The following ROBO2 variants were observed in gnomAD, a reference collection of about 807,000 sequenced individuals.
ROBO2 encodes the protein roundabout guidance receptor 2, also known as roundabout homolog 2.
ROBO2 carries 53 observed loss-of-function variants against 160.8 expected under a neutral mutation model. That is an observed-to-expected ratio of 0.33 (90% confidence interval 0.26 to 0.41). The LOEUF is 0.41. Among genes scored for constraint, ROBO2 ranks in the 10% least tolerant of loss-of-function variants. The pLI, the probability that ROBO2 is intolerant of heterozygous loss-of-function variation, is 1.00. For synonymous variants in ROBO2, 664 were observed against 611.7 expected (o/e 1.09, Z -1.26); for missense variants, 1,577 against 1,722.4 (o/e 0.92, Z 1.49).
chr3:76,958,630 G>C (rs2079445748), intron 2 of ROBO2, among the ~76,000 whole-genome samples: 1 of 152,124 alleles, frequency 6.6e-6, no homozygotes. Context: ...ACCTTACCAG[G>C]AGGCAATTGC....
rs900842771 is a variant in ROBO2, at chr3:77,487,208, G to T, written c.667+5989G>T. Among the ~76,000 whole-genome samples, 24 of 152,068 alleles carry T rather than the reference G, an allele frequency of 1.6e-4. 1 individual carries two copies. On this transcript the variant is annotated intron_variant, in intron 4 of 25. Transcript: ENST00000461745. Reference sequence around the variant, plus strand: ...GTAGCATGTGGTATAAGAACATGAGGTGTTATTAAGATTGTTGTCGGCAAT... The same window carrying T: ...GTAGCATGTGGTATAAGAACATGAGTTGTTATTAAGATTGTTGTCGGCAAT...
At chr3:77,566,561 A>G (rs1233994863) in intron 12 of ROBO2, among the ~76,000 whole-genome samples, 1 of 152,118 alleles carries the variant, frequency 6.6e-6, no homozygotes, top group Admixed American at 6.6e-5. Flanking sequence ...GTGTGTAGCC[A>G]GTGAAACGTA....
At chr3:77,295,819 A>G (rs1044352110) in intron 2 of ROBO2, among the ~76,000 whole-genome samples, 2 of 148,966 alleles carry the variant, frequency 1.3e-5, no homozygotes, top group South Asian at 2.2e-4. Flanking sequence ...AGCACTAAAG[A>G]CATAAAGTAA....
chr3:76,927,035 TGACGGAA>T (rs984773432), intron 2 of ROBO2, among the ~76,000 whole-genome samples: 2 of 152,208 alleles, frequency 1.3e-5, no homozygotes, highest in African/African-American at 4.8e-5. Flanking sequence ...ATGAGATTAC[TGACGGAA>T]GACATGAGAT....
intron 2 of ROBO2, among the ~76,000 whole-genome samples, chr3:76,750,512 T>G (rs989281387): frequency 3.3e-5 from 5 of 152,178 alleles, no homozygotes; most frequent in Non-Finnish European, 7.3e-5. Flanking sequence ...AAATTGTCCC[T>G]GTTTGCAGAT....
intron 2 of ROBO2, among the ~76,000 whole-genome samples, chr3:77,012,467 CAT>C (rs770499908): frequency 1.3e-5 from 2 of 152,240 alleles, no homozygotes; most frequent in East Asian, 1.9e-4. Context: ...ATTCGAATAA[CAT>C]ATGTGAATTT....
intron 21 of ROBO2, among the ~76,000 whole-genome samples, chr3:77,610,010 T>C (rs2094596604): frequency 6.6e-6 from 1 of 150,964 alleles, no homozygotes; most frequent in Admixed American, 6.6e-5. Flanking sequence ...AAAATTATTA[T>C]TTTAATTATT....
chr3:76,256,024 T>G (rs1706337545), intron 2 of ROBO2, among the ~76,000 whole-genome samples: 1 of 152,084 alleles, frequency 6.6e-6, no homozygotes, highest in African/African-American at 2.4e-5. Flanking sequence ...CTGAGCCAGG[T>G]GCAGTGGTTC....
intron 2 of ROBO2, among the ~76,000 whole-genome samples, chr3:76,209,749 A>G (rs192911532): frequency 6.6e-6 from 1 of 152,300 alleles, no homozygotes; most frequent in Non-Finnish European, 1.5e-5. Flanking sequence ...ATTATTTCAT[A>G]GCAGCTGGGG....
intron 2 of ROBO2, among the ~76,000 whole-genome samples, chr3:76,687,847 A>G (rs1450408348): frequency 6.6e-6 from 1 of 152,050 alleles, no homozygotes; most frequent in Non-Finnish European, 1.5e-5. Context: ...TTCTATAGCC[A>G]ATATTAAGGG....
At chr3:75,923,642 A>G (rs1288237577) in intron 1 of ROBO2, among the ~76,000 whole-genome samples, 2 of 152,234 alleles carry the variant, frequency 1.3e-5, no homozygotes, top group Non-Finnish European at 2.9e-5. Flanking sequence ...AGCCTGTGCA[A>G]TACACACCAA....
At chr3:76,319,057 T>C (rs562177992) in intron 2 of ROBO2, among the ~76,000 whole-genome samples, 1 of 152,164 alleles carries the variant, frequency 6.6e-6, no homozygotes, top group South Asian at 2.1e-4. Context: ...AATAAACATA[T>C]TACATCGAAA....
chr3:75,964,370 A>G (rs1258708590), intron 2 of ROBO2, among the ~76,000 whole-genome samples: 2 of 151,740 alleles, frequency 1.3e-5, no homozygotes, highest in Non-Finnish European at 2.9e-5. Context: ...CTTTAAAAAT[A>G]TAATTATCTC....
At chr3:76,580,682 A>C (rs2085647302) in intron 2 of ROBO2, among the ~76,000 whole-genome samples, 1 of 152,162 alleles carries the variant, frequency 6.6e-6, no homozygotes, top group African/African-American at 2.4e-5. Context: ...TTATTTTAAA[A>C]TACCAAGTGT....
chr3:76,506,798 T>C (rs937239650), intron 2 of ROBO2, among the ~76,000 whole-genome samples: 1 of 152,120 alleles, frequency 6.6e-6, no homozygotes. Context: ...GGAGGAGTGA[T>C]CCCTGATTCA....
At chr3:76,933,993 G>T (rs941525309) in intron 2 of ROBO2, among the ~76,000 whole-genome samples, 11 of 152,086 alleles carry the variant, frequency 7.2e-5, no homozygotes, top group African/African-American at 2.7e-4. Context: ...CTGTTTTCAA[G>T]AATTTAATAT....
intron 2 of ROBO2, among the ~76,000 whole-genome samples, chr3:77,276,912 A>G (rs1391681645): frequency 6.6e-6 from 1 of 152,134 alleles, no homozygotes; most frequent in Non-Finnish European, 1.5e-5. Context: ...ATCAGATCTC[A>G]TAAGACGCAT....
chr3:77,080,793 C>G (rs923787154), intron 1 of ROBO2, among the ~76,000 whole-genome samples: 1 of 152,202 alleles, frequency 6.6e-6, no homozygotes, highest in East Asian at 1.9e-4. Context: ...AACATTTGCT[C>G]GTGTGTTTCT....
At chr3:77,481,817 T>TATTAATATGATATG (rs1337450383) in intron 4 of ROBO2, among the ~76,000 whole-genome samples, 2 of 152,068 alleles carry the variant, frequency 1.3e-5, no homozygotes, top group Non-Finnish European at 2.9e-5. Flanking sequence ...GGTTAAAAAC[T>TATTAATATGATATG]GACTAGAACC....
Sources: allele counts gnomAD v4.1 joint callset (sites outside exome capture counted in the v4.1 genomes callset), GRCh38; gene constraint gnomAD v4.1.1; transcripts MANE v1.5; gene names NCBI Gene and HGNC (gene_info 2026-07-23, HGNC 2026-07-21).